SYNE3: variants seen among roughly 807,000 people sequenced by gnomAD.
The protein encoded by SYNE3 is nesprin-3.
SYNE3 carries 100 observed loss-of-function variants against 111.2 expected under a neutral mutation model. That is an observed-to-expected ratio of 0.90 (90% CI 0.77 to 1.06). SYNE3 has a LOEUF of 1.06. Among genes scored for constraint, SYNE3 ranks in the 50% least tolerant of loss-of-function variants. SYNE3 has a pLI of 0.00. For synonymous variants in SYNE3, 547 were observed against 533.9 expected (o/e 1.02, Z -0.34); for missense variants, 1,160 against 1,240.3 (o/e 0.94, Z 0.97).
rs1263111053 is a variant in SYNE3 at position 95,484,293 on chromosome 14, T to G, written c.-14-8458A>C. ...GATGAAGGCCAGGCTGCTGCAGAGA[T>G]ATGTTCCTAGGGCAGGGTGGGTGGC... On this transcript the variant is annotated intron_variant, in intron 1 of 17. Coordinates refer to ENST00000682763, the MANE Select transcript of SYNE3 (RefSeq NM_152592.6). 2.0e-5 allele frequency among the ~76,000 whole-genome samples: 3 copies of G among 152,102 alleles called. No individual in the cohort carries two copies. In the East Asian group the frequency reaches 5.8e-4, roughly 29 times the overall value.
At chr14:95,510,133 A>C (rs1890671275) in intron 1 of SYNE3, among the ~76,000 whole-genome samples, 1 of 152,134 alleles carries the variant, frequency 6.6e-6, no homozygotes, top group Non-Finnish European at 1.5e-5. Flanking sequence ...TTTGTTTCCT[A>C]GTCTCTGAAA....
At chr14:95,446,180 T>G (rs2043318512) in intron 8 of SYNE3, 89 bp from the exon 9 acceptor site, 1 of 1,475,008 alleles carries the variant, frequency 6.8e-7, no homozygotes, top group African/African-American at 1.4e-5. Context: ...TGGCTGCAAC[T>G]GCTTAGGAAG....
Position 95,412,012 on chromosome 14 carries a change from T to C in SYNE3, c.*5814A>G, listed in dbSNP as rs977433571. On this transcript the variant is annotated 3_prime_UTR_variant, in exon 18 of 18. Coordinates refer to ENST00000682763, the MANE Select transcript of SYNE3 (RefSeq NM_152592.6). ...CACAGCCTTAGCCTTAAGCCTCCCCTTGAAGCCTCCAGGAGCCTCCCAAGC... is the reference window on the plus strand; with the variant it reads ...CACAGCCTTAGCCTTAAGCCTCCCCCTGAAGCCTCCAGGAGCCTCCCAAGC... 1.3e-5 allele frequency: 2 copies of C among 152,482 alleles called. No homozygotes were observed. Among genetic ancestry groups the C allele is most frequent in the African/African-American group, 4.8e-5 (2 of 41,584 alleles). 9.4% of individuals were successfully genotyped at this position (152,482 alleles called of 1,614,324 possible). A position where few individuals can be genotyped will look rare whatever the true frequency, so the allele number is the denominator to read the frequency against.
At chr14:95,475,463 G>A (rs1262401337) in intron 2 of SYNE3, among the ~76,000 whole-genome samples, 4 of 152,244 alleles carry the variant, frequency 2.6e-5, no homozygotes, top group Admixed American at 2.6e-4. Flanking sequence ...GTATCACCTG[G>A]AACTTGTCAA....
At chr14:95,495,876 A>G (rs1890070289) in intron 1 of SYNE3, among the ~76,000 whole-genome samples, 1 of 152,218 alleles carries the variant, frequency 6.6e-6, no homozygotes, top group African/African-American at 2.4e-5. Flanking sequence ...TAAGCCTGGG[A>G]CAAGCCCGAG....
At position 95,485,468 on chromosome 14, in the gene SYNE3, CTG is replaced by C. The variant is rs532389328; in HGVS notation, c.-14-9635_-14-9634del. Among the ~76,000 whole-genome samples the C allele has an allele frequency of 1.9e-3, 285 of 152,270 alleles. No homozygotes were observed. The highest frequency in any genetic ancestry group is 0.014 in the Middle Eastern group (4 of 294). On this transcript the variant is annotated intron_variant, in intron 1 of 17. Transcript: ENST00000682763. The surrounding 1 kb of genome is among the most constrained non-coding windows in gnomAD (Gnocchi z 4.3). ...ATTCCTCAGATGCCCTGAAGGTAAA[CTG>C]AGAGAGTCGGCTGCTCCCCGACCAA...
Position 95,510,648 on chromosome 14 carries a change from C to T in SYNE3, c.-15+5948G>A, listed in dbSNP as rs61983377. ...ACTAAAAATACAAAAACTAGCTGGG[C>T]GTGGTGGCAGGTGCCTGTAGTCCCA... On this transcript the variant is annotated intron_variant, in intron 1 of 17. Transcript: ENST00000682763. 7.9e-3 allele frequency among the ~76,000 whole-genome samples: 1,201 copies of T among 152,198 alleles called. 8 individuals carry two copies. Among genetic ancestry groups the T allele is most frequent in the Middle Eastern group, 0.017 (5 of 294 alleles).
chr14:95,433,142 TG>T lies in SYNE3; in HGVS notation c.2688+117del. ...CTCTGCCTGAGTGGTCACCACTGTC[TG>T]GTGTGTGAATGCACAGGGCAGGGTG... is the stretch of plus-strand genomic sequence containing the variant. On this transcript the variant is annotated intron_variant, in intron 16 of 17. Transcript: ENST00000682763. 3.5e-6 allele frequency: 5 copies of T among 1,419,544 alleles called. No individual in the cohort carries two copies. The South Asian group carries it at 7.0e-5, about 20-fold the overall frequency. The allele number at this position is 1,419,544 out of a possible 1,614,324, so 87.9% of individuals were successfully genotyped here.
At chr14:95,493,280 T>C (rs1321501264) in intron 1 of SYNE3, among the ~76,000 whole-genome samples, 3 of 152,180 alleles carry the variant, frequency 2.0e-5, no homozygotes, top group African/African-American at 4.8e-5. Flanking sequence ...TGCCCCTCCC[T>C]CTCCAAGCAT....
chr14:95,418,952 C>T lies in SYNE3; in HGVS notation c.2728-926G>A, dbSNP rs1884917595. On this transcript the variant is annotated intron_variant, in intron 17 of 17. Coordinates refer to ENST00000682763, the MANE Select transcript of SYNE3 (RefSeq NM_152592.6). ...CTTCCCTCTTCTCCCTCTCTTCCTC[C>T]TCCTCCTTTTATTTCATCATCAATT... is the stretch of plus-strand genomic sequence containing the variant. Among the ~76,000 whole-genome samples, 4 of 152,296 alleles carry T rather than the reference C, an allele frequency of 2.6e-5. No individual in the cohort carries two copies. In the South Asian group the frequency reaches 6.2e-4, roughly 24 times the overall value.
At chr14:95,515,070 G>A (rs1312692274) in intron 1 of SYNE3, among the ~76,000 whole-genome samples, 2 of 152,216 alleles carry the variant, frequency 1.3e-5, no homozygotes, top group South Asian at 2.1e-4. Context: ...ACCTGAGCCT[G>A]GATTCTCACC....
chr14:95,501,859 T>C (rs1416260894), intron 1 of SYNE3, among the ~76,000 whole-genome samples: 1 of 152,210 alleles, frequency 6.6e-6, no homozygotes, highest in African/African-American at 2.4e-5. Context: ...CAAAACACTC[T>C]GGCCTAGAGC....
At chr14:95,447,019 T>C (rs1886759113) in intron 8 of SYNE3, among the ~76,000 whole-genome samples, 1 of 152,284 alleles carries the variant, frequency 6.6e-6, no homozygotes, top group Non-Finnish European at 1.5e-5. Flanking sequence ...CCTGATGATG[T>C]TGCTGAGAAC....
chr14:95,460,307 C>A (rs577224632), intron 4 of SYNE3, among the ~76,000 whole-genome samples: 1 of 150,100 alleles, frequency 6.7e-6, no homozygotes, highest in African/African-American at 2.5e-5. Flanking sequence ...TGGGTTCAAG[C>A]GATTCTCGTG....
chr14:95,419,903 G>A (rs1566953303), intron 17 of SYNE3, among the ~76,000 whole-genome samples: 3 of 130,812 alleles, frequency 2.3e-5, no homozygotes, highest in African/African-American at 5.7e-5. Context: ...GATGGTGGTG[G>A]TGGTAGTGAT....
intron 17 of SYNE3, among the ~76,000 whole-genome samples, chr14:95,420,316 C>T (rs186139336): frequency 4.6e-5 from 7 of 152,200 alleles, no homozygotes; most frequent in Admixed American, 2.6e-4. Flanking sequence ...ATGAGACCCA[C>T]CCAGGGAGAG....
rs372184224 is a variant in SYNE3 at position 95,436,802 on chromosome 14, C to G, written c.2538+18G>C. The G allele has an allele frequency of 2.0e-5, 33 of 1,612,732 alleles. No individual in the cohort carries two copies. Among genetic ancestry groups the G allele is most frequent in the Non-Finnish European group, 2.7e-5 (32 of 1,179,722 alleles). On this transcript the variant is annotated intron_variant, in intron 15 of 17. Transcript: ENST00000682763. ...GGTGCAAACCTTATGGATGAGGGAC[C>G]TTTCCTGGGGAACAGACCTGCAGCT... is the stretch of plus-strand genomic sequence containing the variant.
rs567528039 is a variant in SYNE3, at chr14:95,409,168, G to A, written c.*8658C>T. Reference sequence around the variant, plus strand: ...TTCCATAGAGTGGAGCACTGGGCTCGGAGCCAGTCATGCCTGGGTACAAGT... The same window carrying A: ...TTCCATAGAGTGGAGCACTGGGCTCAGAGCCAGTCATGCCTGGGTACAAGT... On this transcript the variant is annotated 3_prime_UTR_variant, in exon 18 of 18. Transcript: ENST00000682763. The A allele has an allele frequency of 5.7e-5, 26 of 456,736 alleles. No individual in the cohort carries two copies. The highest frequency in any genetic ancestry group is 2.9e-4 in the South Asian group (19 of 64,576). The allele number at this position is 456,736 out of a possible 1,614,324, so 28.3% of individuals were successfully genotyped here. A position where few individuals can be genotyped will look rare whatever the true frequency, so the allele number is the denominator to read the frequency against.
At chr14:95,477,267 G>GC (rs1435797943) in intron 1 of SYNE3, among the ~76,000 whole-genome samples, 1 of 152,204 alleles carries the variant, frequency 6.6e-6, no homozygotes, top group African/African-American at 2.4e-5. Flanking sequence ...AGTGGCCTTA[G>GC]CCCCTTCCAG....
Sources: gnomAD v4.1 joint callset for allele counts (sites outside exome capture counted in the v4.1 genomes callset) on GRCh38, gnomAD v4.1.1 for gene constraint, Gnocchi (gnomAD v3.1) non-coding constraint, MANE v1.5 for transcripts, NCBI Gene and HGNC (gene_info 2026-07-23, HGNC 2026-07-21) for gene names.